Variants in RPS6KA2 observed in about 807,000 individuals in gnomAD.
RPS6KA2 encodes the protein ribosomal protein S6 kinase A2.
A neutral mutation model predicts 91.8 loss-of-function variants in RPS6KA2; 42 were observed. The observed-to-expected ratio is 0.46, with a 90% CI of 0.36 to 0.59. RPS6KA2 has a LOEUF of 0.59. RPS6KA2 is among the 20% of genes least tolerant of loss of function. The probability of loss-of-function intolerance (pLI) is 0.00; values close to 1 mark genes in which losing one functional copy is unlikely to be tolerated. For missense variants in RPS6KA2, 798 were observed against 978.5 expected, an observed-to-expected ratio of 0.82 and a Z score of 2.46; for synonymous variants, 414 against 393.6, an observed-to-expected ratio of 1.05 and a Z score of -0.61.
At position 166,508,832 on chromosome 6, in the gene RPS6KA2, C is replaced by T. The variant is rs1328596994; in HGVS notation, c.380-550G>A. ...GGGGCTCACGTCCTAGGTCTGGTCA[C>T]TGTGAGCTATAACTGCAGACTTTCT... On this transcript the variant is annotated intron_variant, in intron 4 of 20. Coordinates refer to ENST00000265678, the MANE Select transcript of RPS6KA2 (RefSeq NM_021135.6). The surrounding 1 kb of genome is among the most constrained non-coding windows in gnomAD (Gnocchi z 4.3). Among the ~76,000 whole-genome samples, 1 of 152,216 alleles carries T rather than the reference C, an allele frequency of 6.6e-6. No homozygotes were observed. Among genetic ancestry groups the T allele is most frequent in the African/African-American group, 2.4e-5 (1 of 41,460 alleles).
At chr6:166,589,331 G>A (rs1785284056) in intron 1 of RPS6KA2, among the ~76,000 whole-genome samples, 3 of 152,216 alleles carry the variant, frequency 2.0e-5, no homozygotes, top group Admixed American at 2.0e-4. Context: ...GAAAGAAAAA[G>A]GATGGGAAGT....
chr6:166,731,104 T>C (rs941254009), intron 2 of RPS6KA2, among the ~76,000 whole-genome samples: 1 of 152,050 alleles, frequency 6.6e-6, no homozygotes, highest in South Asian at 2.1e-4. Context: ...TAGCCGGGCG[T>C]GCTGGCGCAT....
chr6:166,682,596 T>C lies in RPS6KA2; in HGVS notation c.124-143812A>G, dbSNP rs1472830609. ...AGAGTGAGAGGGAGGAGGGACTCCA[T>C]AATTAGCTGTCGAATAAGTGGAATC... On this transcript the variant is annotated intron_variant, in intron 2 of 21. Transcript: ENST00000503859. 2.0e-5 allele frequency among the ~76,000 whole-genome samples: 3 copies of C among 152,306 alleles called. No individual in the cohort carries two copies. The East Asian group carries it at 5.8e-4, about 29-fold the overall frequency.
At chr6:166,777,945 A>C (rs1778669563) in intron 2 of RPS6KA2, among the ~76,000 whole-genome samples, 1 of 152,268 alleles carries the variant, frequency 6.6e-6, no homozygotes, top group Non-Finnish European at 1.5e-5. Flanking sequence ...GAAAGATATA[A>C]AAGAAGACTA....
intron 1 of RPS6KA2, among the ~76,000 whole-genome samples, chr6:166,613,349 A>G (rs1786259575): frequency 6.6e-6 from 1 of 152,256 alleles, no homozygotes; most frequent in African/African-American, 2.4e-5. Flanking sequence ...AGATTGCAGT[A>G]TAACGAGAAA....
intron 16 of RPS6KA2, among the ~76,000 whole-genome samples, chr6:166,429,962 CTT>C (rs1302011018): frequency 4.9e-5 from 7 of 142,134 alleles, no homozygotes; most frequent in Non-Finnish European, 1.6e-5. Context: ...TTTTTCTTTT[CTT>C]TTTTTTTTTT....
At chr6:166,530,447 G>A (rs543467595) in intron 3 of RPS6KA2, among the ~76,000 whole-genome samples, 7 of 152,326 alleles carry the variant, frequency 4.6e-5, no homozygotes, top group Non-Finnish European at 8.8e-5. Context: ...GCCTCTCACC[G>A]TCTCGGCACC....
At chr6:166,713,828 G>A (rs913293522) in intron 2 of RPS6KA2, among the ~76,000 whole-genome samples, 3 of 152,198 alleles carry the variant, frequency 2.0e-5, no homozygotes, top group African/African-American at 7.2e-5. Flanking sequence ...AGAGACGACT[G>A]GGGTCATGGT....
At chr6:166,683,954 C>T (rs1788922820) in intron 2 of RPS6KA2, among the ~76,000 whole-genome samples, 2 of 152,172 alleles carry the variant, frequency 1.3e-5, no homozygotes, top group South Asian at 4.1e-4. Context: ...CCAGAGCTCA[C>T]CAGGCAGCAG....
At chr6:166,458,214 A>G (rs1780166529) in intron 12 of RPS6KA2, among the ~76,000 whole-genome samples, 1 of 152,192 alleles carries the variant, frequency 6.6e-6, no homozygotes, top group Non-Finnish European at 1.5e-5. Context: ...TGGAGCCCTC[A>G]TAATTCCCAT....
intron 2 of RPS6KA2, among the ~76,000 whole-genome samples, chr6:166,715,193 C>T (rs1229814973): frequency 6.6e-6 from 1 of 152,246 alleles, no homozygotes; most frequent in Non-Finnish European, 1.5e-5. Flanking sequence ...GCAAGCCCAG[C>T]ACAGCCCCTC....
At chr6:166,425,840 C>T (rs960055966) in intron 16 of RPS6KA2, among the ~76,000 whole-genome samples, 25 of 152,264 alleles carry the variant, frequency 1.6e-4, no homozygotes, top group African/African-American at 5.8e-4. Context: ...TAGACTCCCA[C>T]ACAATAATAA....
chr6:166,593,875 C>G (rs1785439182), intron 1 of RPS6KA2, among the ~76,000 whole-genome samples: 1 of 152,134 alleles, frequency 6.6e-6, no homozygotes, highest in African/African-American at 2.4e-5. Context: ...ATCAAAAATT[C>G]TGAGAATATA....
chr6:166,647,801 CAT>C lies in RPS6KA2; in HGVS notation c.124-109019_124-109018del, dbSNP rs1373634850. On this transcript the variant is annotated intron_variant, in intron 2 of 21. Transcript: ENST00000503859. ...ACACACACATGCACATGCTTACACA[CAT>C]ACATACACACATGCTCACACACATG... 4.1e-4 allele frequency among the ~76,000 whole-genome samples: 52 copies of C among 127,524 alleles called. 1 individual carries two copies. The highest frequency in any genetic ancestry group is 7.2e-4 in the South Asian group (3 of 4,176). 83.7% of individuals were successfully genotyped at this position (127,524 alleles called of 152,430 possible).
intron 1 of RPS6KA2, among the ~76,000 whole-genome samples, chr6:166,539,108 C>G (rs1244290965): frequency 6.6e-6 from 1 of 152,050 alleles, no homozygotes; most frequent in African/African-American, 2.4e-5. Context: ...TTAATAGAGA[C>G]GAGATTTCAC....
At chr6:166,534,666 G>A (rs1343291604) in intron 2 of RPS6KA2, among the ~76,000 whole-genome samples, 1 of 152,210 alleles carries the variant, frequency 6.6e-6, no homozygotes, top group African/African-American at 2.4e-5. Flanking sequence ...TCTCTCGTAT[G>A]TTAGGCCTTA....
intron 10 of RPS6KA2, among the ~76,000 whole-genome samples, chr6:166,485,192 T>C (rs780319045): frequency 3.3e-5 from 5 of 152,078 alleles, no homozygotes; most frequent in Non-Finnish European, 5.9e-5. Context: ...ACAGACACAA[T>C]AAAGGTGCAA....
intron 6 of RPS6KA2, among the ~76,000 whole-genome samples, chr6:166,502,528 G>A (rs967093342): frequency 6.6e-6 from 1 of 152,356 alleles, no homozygotes; most frequent in South Asian, 2.1e-4. Context: ...CTCCCGGCCT[G>A]AGTGGATGCA....
Position 166,469,827 on chromosome 6 carries a change from G to A in RPS6KA2, c.972+14C>T. 1 of 1,612,192 alleles carries A rather than the reference G, an allele frequency of 6.2e-7. No individual in the cohort carries two copies. The highest frequency in any genetic ancestry group is 8.5e-7 in the Non-Finnish European group (1 of 1,178,218). ...TCACGCGTGTGCAGGTGGGGACTGT[G>A]GCATGCAACTTACGTTCCAGTCTAT... On this transcript the variant is annotated intron_variant, in intron 11 of 20. Transcript: ENST00000265678.
Sources: allele counts gnomAD v4.1 joint callset (sites outside exome capture counted in the v4.1 genomes callset), GRCh38; gene constraint gnomAD v4.1.1; non-coding constraint Gnocchi (gnomAD v3.1); transcripts MANE v1.5; gene names NCBI Gene and HGNC (gene_info 2026-07-23, HGNC 2026-07-21).